Variants in SDC1 observed in about 807,000 individuals in gnomAD.
SDC1 encodes the protein syndecan-1.
Under a neutral mutation model 29.7 loss-of-function variants are expected in SDC1, and 14 were observed. That is an observed-to-expected ratio of 0.47 (90% CI 0.31 to 0.74). SDC1 has a LOEUF of 0.74. Among genes scored for constraint, SDC1 ranks in the 30% least tolerant of loss-of-function variants. SDC1 has a pLI of 0.05. For missense variants in SDC1, 406 were observed against 400.3 expected (o/e 1.01, Z -0.12); for synonymous variants, 204 against 175.5 (o/e 1.16, Z -1.29).
At position 20,202,409 on chromosome 2, in the gene SDC1, CAT is replaced by C. The variant is rs530650764; in HGVS notation, c.*355_*356del. On this transcript the variant is annotated 3_prime_UTR_variant, in exon 5 of 5. Coordinates refer to ENST00000254351, the MANE Select transcript of SDC1 (RefSeq NM_002997.5). ...CCCCACCCGCAGGATCTTCCAGCCACATGAGGCCATTTAGGTCCAAAGCAGTC... is the reference window on the plus strand; with the variant it reads ...CCCCACCCGCAGGATCTTCCAGCCACGAGGCCATTTAGGTCCAAAGCAGTC... 5.2e-4 allele frequency: 353 copies of C among 674,884 alleles called. 1 individual carries two copies. The African/African-American group carries it at 5.8e-3, about 11-fold the overall frequency. The allele number at this position is 674,884 out of a possible 1,614,324, so 41.8% of individuals were successfully genotyped here. A position where few individuals can be genotyped will look rare whatever the true frequency, so the allele number is the denominator to read the frequency against.
chr2:20,212,975 G>A (rs757136316), intron 1 of SDC1, among the ~76,000 whole-genome samples: 9 of 152,194 alleles, frequency 5.9e-5, no homozygotes, highest in Non-Finnish European at 1.3e-4. Context: ...CTTTACAGAT[G>A]GGAAGCCTGA....
intron 1 of SDC1, among the ~76,000 whole-genome samples, chr2:20,210,332 G>T (rs1382234789): frequency 6.6e-6 from 1 of 152,162 alleles, no homozygotes; most frequent in African/African-American, 2.4e-5. Flanking sequence ...GGAAGAAACA[G>T]TCTGGTCCTG....
At chr2:20,203,354 A>G in intron 3 of SDC1, 132 bp from the exon 4 acceptor site, 1 of 1,035,746 alleles carries the variant, frequency 9.7e-7, no homozygotes, top group Non-Finnish European at 1.4e-6. Context: ...CACCCAAACC[A>G]GGATCGCACA....
At chr2:20,203,342 T>G in intron 3 of SDC1, 120 bp from the exon 4 acceptor site, 1 of 1,211,972 alleles carries the variant, frequency 8.3e-7, no homozygotes, top group Non-Finnish European at 1.1e-6. Flanking sequence ...CCCACTCAGA[T>G]GCACCCAAAC....
At chr2:20,210,052 A>G (rs990572803) in intron 1 of SDC1, among the ~76,000 whole-genome samples, 4 of 152,214 alleles carry the variant, frequency 2.6e-5, no homozygotes, top group Admixed American at 2.6e-4. Context: ...CCCCTTAAAA[A>G]GCATTACTAC....
chr2:20,222,106 C>T (rs3771227), intron 1 of SDC1, among the ~76,000 whole-genome samples: 4 of 133,388 alleles, frequency 3.0e-5, no homozygotes, highest in Non-Finnish European at 6.8e-5. Context: ...CACACACACA[C>T]ACACAGAGAG....
Position 20,203,966 on chromosome 2 carries a change from C to CT in SDC1, c.473dup (p.Pro159AlafsTer5). 1 of 1,613,964 alleles carries CT rather than the reference C, an allele frequency of 6.2e-7. No homozygotes were observed. The highest frequency in any genetic ancestry group is 8.5e-7 in the Non-Finnish European group (1 of 1,179,998). Reference sequence around the variant, plus strand: ...GGGTTGAGGTCTCATGGTGGCCAGGCTGCATGTCCCTGTGGGGGTGGGAGG... The same window carrying CT: ...GGGTTGAGGTCTCATGGTGGCCAGGCTTGCATGTCCCTGTGGGGGTGGGAGG... On this transcript the variant is annotated frameshift_variant, in exon 3 of 5. Coordinates refer to ENST00000254351, the MANE Select transcript of SDC1 (RefSeq NM_002997.5). LOFTEE classifies it high-confidence loss of function.
chr2:20,214,001 A>C (rs997996410), intron 1 of SDC1, among the ~76,000 whole-genome samples: 6 of 152,180 alleles, frequency 3.9e-5, no homozygotes, highest in African/African-American at 1.4e-4. Context: ...GCTAAAGGGT[A>C]CCAGCACTCA....
chr2:20,203,362 A>C, intron 3 of SDC1, 140 bp from the exon 4 acceptor site: 1 of 973,518 alleles, frequency 1.0e-6, no homozygotes, highest in South Asian at 2.1e-5. Context: ...CCAGGATCGC[A>C]CAGGGCCCGA....
At chr2:20,216,375 G>C (rs1353861116) in intron 1 of SDC1, among the ~76,000 whole-genome samples, 1 of 152,202 alleles carries the variant, frequency 6.6e-6, no homozygotes, top group Non-Finnish European at 1.5e-5. Context: ...TCCTGGAAGA[G>C]ATATGGTCAC....
At position 20,203,134 on chromosome 2, in the gene SDC1, GC is replaced by G; in HGVS notation, c.715del (p.Ala239ProfsTer40). The part of the protein sequence containing the change: ...RRNQSPVDQG[A>X]TGASQGLLDR... Reference sequence around the variant, plus strand: ...CAGGAGGCCCTGTGAGGCCCCCGTGGCCCCCTGATCCACTGGGGACTGGTTC... The same window carrying G: ...CAGGAGGCCCTGTGAGGCCCCCGTGGCCCCTGATCCACTGGGGACTGGTTC... On this transcript the variant is annotated frameshift_variant, in exon 4 of 5. Transcript: ENST00000254351. LOFTEE classifies it high-confidence loss of function. The G allele has an allele frequency of 6.2e-7, 1 of 1,612,134 alleles. No homozygotes were observed. The highest frequency in any genetic ancestry group is 8.5e-7 in the Non-Finnish European group (1 of 1,178,738).
At position 20,202,353 on chromosome 2, in the gene SDC1, C is replaced by T. The variant is rs11544861; in HGVS notation, c.*413G>A. 3 of 765,888 alleles carry T rather than the reference C, an allele frequency of 3.9e-6. No homozygotes were observed. The highest frequency in any genetic ancestry group is 4.8e-6 in the Non-Finnish European group (2 of 412,522). The allele number at this position is 765,888 out of a possible 1,614,324, so 47.4% of individuals were successfully genotyped here. Reference sequence around the variant, plus strand: ...ACCCCCCCAAGATGCTTGGTCCTACCAGTAAGTGCTACAGGTGTGTGAGCC... The same window carrying T: ...ACCCCCCCAAGATGCTTGGTCCTACTAGTAAGTGCTACAGGTGTGTGAGCC... On this transcript the variant is annotated 3_prime_UTR_variant, in exon 5 of 5. Coordinates refer to ENST00000254351, the MANE Select transcript of SDC1 (RefSeq NM_002997.5).
At chr2:20,217,842 G>C (rs1558437532) in intron 1 of SDC1, among the ~76,000 whole-genome samples, 1 of 152,144 alleles carries the variant, frequency 6.6e-6, no homozygotes, top group Non-Finnish European at 1.5e-5. Context: ...TCGGGCAGGT[G>C]CCAGGACTCT....
At position 20,203,984 on chromosome 2, in the gene SDC1, G is replaced by T; in HGVS notation, c.456C>A (p.His152Gln). 1.1e-5 allele frequency: 18 copies of T among 1,614,016 alleles called. No homozygotes were observed. The highest frequency in any genetic ancestry group is 1.5e-5 in the Non-Finnish European group (18 of 1,180,026). The change falls in exon 3 of 5, where the codon CAC becomes CAA. Residue 152 changes from histidine (H) to glutamine (Q), a missense_variant. Transcript: ENST00000254351. ...GGCCAGGCTGCATGTCCCTGTGGGG[G>T]TGGGAGGTGGCGGGCTCCTGGGCCG... ...ATTAQEPATSHPHRDMQPGHH... is the reference protein window; with the variant it reads ...ATTAQEPATSQPHRDMQPGHH...
intron 1 of SDC1, among the ~76,000 whole-genome samples, chr2:20,218,142 G>A (rs1425220498): frequency 2.0e-5 from 3 of 152,246 alleles, no homozygotes; most frequent in Non-Finnish European, 4.4e-5. Flanking sequence ...TCTCAGAACT[G>A]AGGACAGGAA....
intron 1 of SDC1, among the ~76,000 whole-genome samples, chr2:20,216,361 C>T (rs759622626): frequency 1.3e-4 from 20 of 152,158 alleles, no homozygotes; most frequent in Non-Finnish European, 2.8e-4. Flanking sequence ...TCCCCGATAC[C>T]CCATCCTGGA....
rs1398841148 is a variant in SDC1, at chr2:20,224,750, G to C, written c.66+52C>G. The C allele has an allele frequency of 7.8e-7, 1 of 1,284,222 alleles. No individual in the cohort carries two copies. Among genetic ancestry groups the C allele is most frequent in the African/African-American group, 1.6e-5 (1 of 64,048 alleles). The allele number at this position is 1,284,222 out of a possible 1,614,324, so 79.6% of individuals were successfully genotyped here. On this transcript the variant is annotated intron_variant, in intron 1 of 4. Transcript: ENST00000254351. This position sits in a 1 kb window ranked among gnomAD's most constrained non-coding sequence, Gnocchi z 4.9. ...CGTGCACCCGCCGGCATCCGCGGGT[G>C]ACCAGTCCCGGCTTCCCGCCGCCTC...
intron 1 of SDC1, chr2:20,207,576 G>T: frequency 1.2e-5 from 2 of 167,152 alleles, no homozygotes; most frequent in Non-Finnish European, 2.4e-5. Flanking sequence ...ATGGTGGTGC[G>T]GGCCTATAGT....
chr2:20,212,621 G>A (rs190507814), intron 1 of SDC1, among the ~76,000 whole-genome samples: 1 of 152,352 alleles, frequency 6.6e-6, no homozygotes, highest in Non-Finnish European at 1.5e-5. Flanking sequence ...TCCGGTGACA[G>A]GCACAGCAAT....
Sources: allele counts gnomAD v4.1 joint callset (sites outside exome capture counted in the v4.1 genomes callset), GRCh38; gene constraint gnomAD v4.1.1; non-coding constraint Gnocchi (gnomAD v3.1); transcripts MANE v1.5; gene names NCBI Gene and HGNC (gene_info 2026-07-23, HGNC 2026-07-21).